Variants in UNC5C observed in about 807,000 individuals in gnomAD.
UNC5C encodes netrin receptor UNC5C.
Under a neutral mutation model 99.8 loss-of-function variants are expected in UNC5C, and 47 were observed. The ratio of observed to expected loss-of-function variants is 0.47; its 90% CI spans 0.37 to 0.60. UNC5C has a LOEUF of 0.60. UNC5C is among the 20% of genes least tolerant of loss of function. The probability of loss-of-function intolerance (pLI) is 0.00; values close to 1 mark genes in which losing one functional copy is unlikely to be tolerated. For missense variants in UNC5C, 1,062 were observed against 1,165.9 expected (o/e 0.91, Z 1.30); for synonymous variants, 487 against 452.2 (o/e 1.08, Z -0.98).
At chr4:95,488,779 C>CA (rs1721398273) in intron 1 of UNC5C, among the ~76,000 whole-genome samples, 1 of 151,408 alleles carries the variant, frequency 6.6e-6, no homozygotes, top group Non-Finnish European at 1.5e-5. Flanking sequence ...CAGGAGGAGG[C>CA]AAAAATTGTT....
intron 2 of UNC5C, among the ~76,000 whole-genome samples, chr4:95,331,189 T>C (rs1743097213): frequency 6.6e-6 from 1 of 152,152 alleles, no homozygotes; most frequent in Non-Finnish European, 1.5e-5. Flanking sequence ...ATTGTTTGTA[T>C]ATATCACATT....
intron 1 of UNC5C, among the ~76,000 whole-genome samples, chr4:95,540,777 T>C (rs766234869): frequency 6.6e-6 from 1 of 152,222 alleles, no homozygotes; most frequent in Non-Finnish European, 1.5e-5. Flanking sequence ...CAAAGTGAAA[T>C]TACCATTATT....
chr4:95,277,711 G>A (rs1037395410), intron 4 of UNC5C, among the ~76,000 whole-genome samples: 1 of 152,132 alleles, frequency 6.6e-6, no homozygotes, highest in African/African-American at 2.4e-5. Context: ...AACAAAAAGT[G>A]GAAAATGTAG....
intron 1 of UNC5C, among the ~76,000 whole-genome samples, chr4:95,436,566 T>C (rs1746798806): frequency 6.6e-6 from 1 of 151,936 alleles, no homozygotes; most frequent in African/African-American, 2.4e-5. Flanking sequence ...TTGCTAAAAA[T>C]GTAAAGACTG....
At chr4:95,349,225 ATC>A in intron 1 of UNC5C, among the ~76,000 whole-genome samples, 1 of 150,986 alleles carries the variant, frequency 6.6e-6, no homozygotes, top group Non-Finnish European at 1.5e-5. Context: ...GAATCAATAC[ATC>A]TCACGTACCC....
At chr4:95,173,509 T>C (rs1176788904) in intron 14 of UNC5C, among the ~76,000 whole-genome samples, 2 of 149,524 alleles carry the variant, frequency 1.3e-5, no homozygotes, top group Non-Finnish European at 3.0e-5. Context: ...CATGTGGTTT[T>C]TGTCTTTGGT....
intron 1 of UNC5C, among the ~76,000 whole-genome samples, chr4:95,431,729 G>A (rs1746641573): frequency 6.6e-6 from 1 of 152,024 alleles, no homozygotes; most frequent in Non-Finnish European, 1.5e-5. Flanking sequence ...AAAGACCAGA[G>A]TTAAAGTGTG....
rs1743314963 is a variant in UNC5C, at chr4:95,335,780, G to A, written c.125-149C>T. On this transcript the variant is annotated intron_variant, in intron 1 of 15. Transcript: ENST00000453304. Reference sequence around the variant, plus strand: ...TGCCAGGCTGTATGTTAGATCTATTGACTGGTCATTTAAGGATATGGATTA... The same window carrying A: ...TGCCAGGCTGTATGTTAGATCTATTAACTGGTCATTTAAGGATATGGATTA... The A allele has an allele frequency of 1.7e-5, 11 of 632,132 alleles. No homozygotes were observed. In the South Asian group the frequency reaches 2.2e-4, roughly 13 times the overall value. The allele number at this position is 632,132 out of a possible 1,614,324, so 39.2% of individuals were successfully genotyped here.
intron 3 of UNC5C, among the ~76,000 whole-genome samples, chr4:95,298,089 C>T (rs113969026): frequency 1.4e-4 from 21 of 152,278 alleles, no homozygotes; most frequent in African/African-American, 5.1e-4. Context: ...TGGGCGAAAT[C>T]GCTTGTGCCC....
At chr4:95,180,628 C>T (rs541537788) in intron 14 of UNC5C, among the ~76,000 whole-genome samples, 5 of 152,304 alleles carry the variant, frequency 3.3e-5, no homozygotes, top group South Asian at 4.1e-4. Flanking sequence ...GTACATGTCA[C>T]GCACAGCCTG....
At chr4:95,205,699 TTGAG>T (rs1200985447) in intron 11 of UNC5C, among the ~76,000 whole-genome samples, 2 of 152,176 alleles carry the variant, frequency 1.3e-5, no homozygotes, top group East Asian at 1.9e-4. Context: ...TTTAAAATTA[TTGAG>T]TATTTTTGGA....
intron 1 of UNC5C, among the ~76,000 whole-genome samples, chr4:95,404,165 C>T (rs146459012): frequency 2.1e-4 from 32 of 152,250 alleles, no homozygotes; most frequent in African/African-American, 7.2e-4. Context: ...TGCTTATTTT[C>T]ACAACGTTCT....
At chr4:95,542,572 T>A in intron 1 of UNC5C, among the ~76,000 whole-genome samples, 1 of 152,294 alleles carries the variant, frequency 6.6e-6, no homozygotes, top group South Asian at 2.1e-4. Context: ...GAAACATTCT[T>A]CTGTGTATTT....
chr4:95,528,434 C>T (rs1302425292), intron 1 of UNC5C, among the ~76,000 whole-genome samples: 1 of 152,140 alleles, frequency 6.6e-6, no homozygotes, highest in Non-Finnish European at 1.5e-5. Context: ...TACCTTCAAG[C>T]ACTGACATCA....
At chr4:95,522,011 AT>A (rs750477043) in intron 1 of UNC5C, among the ~76,000 whole-genome samples, 6 of 152,274 alleles carry the variant, frequency 3.9e-5, no homozygotes, top group East Asian at 1.9e-4. Flanking sequence ...TCTGAAAAAA[AT>A]ATGACCATAT....
At chr4:95,191,971 A>C (rs561250267) in intron 12 of UNC5C, among the ~76,000 whole-genome samples, 255 of 37,632 alleles carry the variant, frequency 6.8e-3, no homozygotes, top group Non-Finnish European at 7.2e-3. Flanking sequence ...TCCCCTGCTC[A>C]CCTCCTCCCC....
chr4:95,423,729 T>C (rs1746383601), intron 1 of UNC5C, among the ~76,000 whole-genome samples: 4 of 152,150 alleles, frequency 2.6e-5, no homozygotes, highest in Admixed American at 2.6e-4. Flanking sequence ...GCTTTTTCTG[T>C]AAAAGGTGCA....
intron 1 of UNC5C, among the ~76,000 whole-genome samples, chr4:95,359,807 T>C (rs1328023523): frequency 1.3e-5 from 2 of 152,086 alleles, no homozygotes; most frequent in Non-Finnish European, 2.9e-5. Context: ...AGTAACAATA[T>C]TGAAAAAAAT....
chr4:95,406,467 C>T (rs1421202425), intron 1 of UNC5C, among the ~76,000 whole-genome samples: 1 of 152,150 alleles, frequency 6.6e-6, no homozygotes, highest in African/African-American at 2.4e-5. Flanking sequence ...CCATTAGGTC[C>T]ATCCCTGATT....
Sources: allele counts gnomAD v4.1 joint callset (sites outside exome capture counted in the v4.1 genomes callset), GRCh38; gene constraint gnomAD v4.1.1; transcripts MANE v1.5; gene names NCBI Gene and HGNC (gene_info 2026-07-23, HGNC 2026-07-21).